Variants in KYNU observed in about 807,000 individuals in gnomAD.
KYNU encodes the protein kynureninase.
In KYNU, 54 loss-of-function variants were observed where a neutral mutation model predicts 59.2. The ratio of observed to expected loss-of-function variants is 0.91; its 90% CI spans 0.73 to 1.14. The LOEUF (loss-of-function observed/expected upper bound fraction) is 1.14, where lower values mean the gene tolerates loss of function less well. Among genes scored for constraint, KYNU ranks in the 50% most tolerant of loss-of-function variants. The pLI, the probability that KYNU is intolerant of heterozygous loss-of-function variation, is 0.00. For missense variants in KYNU, 567 were observed against 554.4 expected (o/e 1.02, Z -0.23); for synonymous variants, 177 against 192.0 (o/e 0.92, Z 0.65).
intron 10 of KYNU, among the ~76,000 whole-genome samples, chr2:143,021,273 C>T (rs1686399649): frequency 6.6e-6 from 1 of 151,924 alleles, no homozygotes; most frequent in African/African-American, 2.4e-5. Context: ...TAGAGTTGAT[C>T]CTGAGTTTCT....
At position 142,977,372 on chromosome 2, in the gene KYNU, G is replaced by GATATATATATATATAT. The variant is rs70997538; in HGVS notation, c.730-7698_730-7697insATATATATATATATAT. ...AGCTTCCTGGATGGAATTTTGTGTG[G>GATATATATATATATAT]ATATATATATATATGAATAATCATA... On this transcript the variant is annotated intron_variant, in intron 8 of 13. Transcript: ENST00000264170. Among the ~76,000 whole-genome samples, 47 of 131,204 alleles carry GATATATATATATATAT rather than the reference G, an allele frequency of 3.6e-4. 1 individual carries two copies. The East Asian group carries it at 3.8e-3, about 11-fold the overall frequency. 86.1% of individuals were successfully genotyped at this position (131,204 alleles called of 152,430 possible).
At chr2:142,987,830 T>A (rs565947125) in intron 10 of KYNU, among the ~76,000 whole-genome samples, 1 of 151,964 alleles carries the variant, frequency 6.6e-6, no homozygotes, top group African/African-American at 2.4e-5. Flanking sequence ...GATGGGACAA[T>A]GGGGCCTTTC....
intron 3 of KYNU, among the ~76,000 whole-genome samples, chr2:142,924,078 C>T (rs1252345515): frequency 6.6e-6 from 1 of 152,144 alleles, no homozygotes; most frequent in Non-Finnish European, 1.5e-5. Flanking sequence ...AAAGATTTTT[C>T]ACAACATCTT....
chr2:143,055,509 T>C lies in KYNU; in HGVS notation c.*13337T>C, dbSNP rs1687337896. On this transcript the variant is annotated 3_prime_UTR_variant, in exon 14 of 14. Transcript: ENST00000264170. ...CAAGGATTATCTCCCTATGTTAAGGTCAATTGATTAGTGACCTAATTCCAT... is the reference window on the plus strand; with the variant it reads ...CAAGGATTATCTCCCTATGTTAAGGCCAATTGATTAGTGACCTAATTCCAT... 1 of 152,180 alleles carries C rather than the reference T, an allele frequency of 6.6e-6. No individual in the cohort carries two copies. Among genetic ancestry groups the C allele is most frequent in the African/African-American group, 2.4e-5 (1 of 41,446 alleles). 9.4% of individuals were successfully genotyped at this position (152,180 alleles called of 1,614,324 possible).
At chr2:142,898,979 G>A (rs934058750) in intron 2 of KYNU, among the ~76,000 whole-genome samples, 1 of 152,160 alleles carries the variant, frequency 6.6e-6, no homozygotes, top group Non-Finnish European at 1.5e-5. Flanking sequence ...GCTGGATCAG[G>A]AGCACAGCAG....
At chr2:142,904,924 G>A (rs564816192) in intron 2 of KYNU, among the ~76,000 whole-genome samples, 14 of 152,202 alleles carry the variant, frequency 9.2e-5, no homozygotes, top group African/African-American at 2.4e-4. Flanking sequence ...CTTTACCAGC[G>A]TGCCCAACAT....
intron 3 of KYNU, among the ~76,000 whole-genome samples, chr2:142,924,413 C>T (rs1256315557): frequency 2.0e-5 from 3 of 152,094 alleles, no homozygotes; most frequent in East Asian, 3.8e-4. Context: ...GGCCTCTCAA[C>T]ATCTTTATTG....
In KYNU at chr2:142,937,000, G is replaced by T. The variant is rs191944118; in HGVS notation, c.373+9259G>T. ...GCCTGGGTGCAGGTGGGCTGAGGCT[G>T]AAAATGGCATCAGCACCAAGTGAGG... On this transcript the variant is annotated intron_variant, in intron 4 of 13. Transcript: ENST00000264170. 7.6e-3 allele frequency among the ~76,000 whole-genome samples: 1,157 copies of T among 152,294 alleles called. 7 individuals are homozygous for T. The highest frequency in any genetic ancestry group is 0.027 in the African/African-American group (1,109 of 41,548).
intron 11 of KYNU, among the ~76,000 whole-genome samples, chr2:143,032,209 C>T (rs912165157): frequency 7.3e-5 from 11 of 151,438 alleles, no homozygotes; most frequent in Admixed American, 2.6e-4. Flanking sequence ...ACCCGTGAGG[C>T]GGAGGTTTCA....
At chr2:142,955,628 A>G (rs1055436870) in intron 5 of KYNU, among the ~76,000 whole-genome samples, 3 of 152,086 alleles carry the variant, frequency 2.0e-5, no homozygotes, top group African/African-American at 7.2e-5. Context: ...GATCTGCATG[A>G]GAATTAAATG....
chr2:143,032,112 C>T (rs1460810556), intron 11 of KYNU, among the ~76,000 whole-genome samples: 1 of 151,608 alleles, frequency 6.6e-6, no homozygotes, highest in Admixed American at 6.7e-5. Flanking sequence ...CCCATCTCTA[C>T]TAAAAATACA....
intron 8 of KYNU, among the ~76,000 whole-genome samples, chr2:142,971,715 G>A (rs1045166533): frequency 6.6e-6 from 1 of 152,200 alleles, no homozygotes; most frequent in East Asian, 1.9e-4. Flanking sequence ...ACAAGTGAAT[G>A]TATAAATGTG....
At chr2:142,961,872 A>T (rs1020356387) in intron 8 of KYNU, among the ~76,000 whole-genome samples, 1 of 152,232 alleles carries the variant, frequency 6.6e-6, no homozygotes, top group Non-Finnish European at 1.5e-5. Flanking sequence ...TATTCTGAAC[A>T]TTAATAAGTT....
chr2:142,925,917 A>G (rs1008468649), intron 3 of KYNU, among the ~76,000 whole-genome samples: 6 of 152,222 alleles, frequency 3.9e-5, no homozygotes, highest in South Asian at 4.1e-4. Context: ...TTCCTAAAGA[A>G]TTAAGAACTG....
At chr2:143,024,198 C>T (rs1686488628) in intron 10 of KYNU, among the ~76,000 whole-genome samples, 2 of 151,722 alleles carry the variant, frequency 1.3e-5, no homozygotes, top group South Asian at 4.1e-4. Context: ...CTTGTTTTAC[C>T]TGATCTATCA....
rs1685610842 is a variant in KYNU, at chr2:142,998,498, C to A, written c.902+12477C>A. ...AAATGTTGTTTTGAAATAATCATTT[C>A]TTTATTTGCTTTTTAAAAGGTTTTA... On this transcript the variant is annotated intron_variant, in intron 10 of 13. Coordinates refer to ENST00000264170, the MANE Select transcript of KYNU (RefSeq NM_003937.3). 2.0e-5 allele frequency among the ~76,000 whole-genome samples: 3 copies of A among 152,078 alleles called. No homozygotes were observed. In the South Asian group the frequency reaches 6.2e-4, roughly 31 times the overall value.
intron 10 of KYNU, among the ~76,000 whole-genome samples, chr2:142,988,247 C>A (rs1191232450): frequency 6.6e-6 from 1 of 151,814 alleles, no homozygotes; most frequent in East Asian, 1.9e-4. Context: ...TAGTACTGAC[C>A]CCTAAGTACT....
chr2:142,989,015 A>G, intron 10 of KYNU: 1 of 775,958 alleles, frequency 1.3e-6, no homozygotes, highest in Non-Finnish European at 2.2e-6. Context: ...TGAAAATCAA[A>G]TACCACCTGT....
In KYNU at chr2:142,957,690, G is replaced by C; in HGVS notation, c.557G>C (p.Ser186Thr). 6.2e-7 allele frequency: 1 copy of C among 1,603,606 alleles called. No individual in the cohort carries two copies. Among genetic ancestry groups the C allele is most frequent in the Non-Finnish European group, 8.5e-7 (1 of 1,170,826 alleles). ...LQLHGLNIEE[S>T]MRMIKPREGE... ...CTTCACGGACTTAACATTGAAGAAA[G>C]TATGCGGATGATAAAGCCAAGAGAG... Residue 186 changes from serine (S) to threonine (T), a missense_variant, in exon 7 of 14, where the codon AGT becomes ACT. Coordinates refer to ENST00000264170, the MANE Select transcript of KYNU (RefSeq NM_003937.3).
Sources: allele counts gnomAD v4.1 joint callset (sites outside exome capture counted in the v4.1 genomes callset), GRCh38; gene constraint gnomAD v4.1.1; transcripts MANE v1.5; gene names NCBI Gene and HGNC (gene_info 2026-07-23, HGNC 2026-07-21).